The following MALRD1 variants were observed in gnomAD, a reference collection of about 807,000 sequenced individuals.
MALRD1 encodes the protein MAM and LDL receptor class A domain containing 1.
In MALRD1, 247 loss-of-function variants were observed where a neutral mutation model predicts 242.1. The ratio of observed to expected loss-of-function variants is 1.02; its 90% CI spans 0.92 to 1.13. MALRD1 has a LOEUF of 1.13. MALRD1 is among the 50% of genes most tolerant of loss of function. MALRD1 has a pLI of 0.00. For synonymous variants in MALRD1, 995 were observed against 866.6 expected (o/e 1.15, Z -2.60); for missense variants, 2,989 against 2,533.1 (o/e 1.18, Z -3.86).
At chr10:19,470,046 C>A (rs1836418747) in intron 29 of MALRD1, among the ~76,000 whole-genome samples, 1 of 151,922 alleles carries the variant, frequency 6.6e-6, no homozygotes, top group Non-Finnish European at 1.5e-5. Flanking sequence ...TATAGGGCAA[C>A]TCCAGAACTT....
Position 19,454,405 on chromosome 10 carries a change from G to GAGATATATATATAT in MALRD1, c.5029+3916_5029+3917insGATATATATATATA, listed in dbSNP as rs1554775338. 1.2e-3 allele frequency among the ~76,000 whole-genome samples: 96 copies of GAGATATATATATAT among 80,528 alleles called. 1 individual carries two copies. Among genetic ancestry groups the GAGATATATATATAT allele is most frequent in the African/African-American group, 4.4e-3 (79 of 18,152 alleles). The allele number at this position is 80,528 out of a possible 152,430, so 52.8% of individuals were successfully genotyped here. On this transcript the variant is annotated intron_variant, in intron 29 of 39. Transcript: ENST00000454679. ...ATGAGGAAAGGTAGATTATGCATAT[G>GAGATATATATATAT]ATATATATATATATATATATATATA...
chr10:19,383,157 T>G (rs1845907829), intron 26 of MALRD1, among the ~76,000 whole-genome samples: 1 of 152,120 alleles, frequency 6.6e-6, no homozygotes, highest in Admixed American at 6.5e-5. Flanking sequence ...ACCCAGGTAA[T>G]CAACATAGTA....
At chr10:19,616,216 T>G (rs1839150316) in intron 36 of MALRD1, among the ~76,000 whole-genome samples, 1 of 152,056 alleles carries the variant, frequency 6.6e-6, no homozygotes, top group African/African-American at 2.4e-5. Flanking sequence ...ATCAGGTTTT[T>G]AAAAGATATT....
chr10:19,364,387 A>G (rs1845025203), intron 26 of MALRD1, among the ~76,000 whole-genome samples: 1 of 152,128 alleles, frequency 6.6e-6, no homozygotes, highest in African/African-American at 2.4e-5. Flanking sequence ...TATGTTCCTT[A>G]GCACTCACAA....
intron 21 of MALRD1, among the ~76,000 whole-genome samples, chr10:19,305,544 T>C (rs2131969600): frequency 6.6e-6 from 1 of 151,364 alleles, no homozygotes; most frequent in East Asian, 2.0e-4. Context: ...TTTGTTGTTG[T>C]GAGAAAGATC....
intron 34 of MALRD1, among the ~76,000 whole-genome samples, chr10:19,596,611 G>T (rs1385740483): frequency 6.6e-6 from 1 of 151,826 alleles, no homozygotes; most frequent in Non-Finnish European, 1.5e-5. Context: ...CATGACTGTA[G>T]TTCCAGCTCC....
Position 19,498,531 on chromosome 10 carries a change from A to G in MALRD1, c.5205A>G (p.Ser1735=), listed in dbSNP as rs1320544854. ...TTGSCNFETS[S]GNWTTACSLT... The stretch of plus-strand genomic sequence containing the variant: ...GAAGCTGCAATTTTGAAACAAGTTC[A>G]GGAAACTGGACCACAGCCTGCAGTC... Residue 1735 remains serine (S), a synonymous_variant, in exon 31 of 40, where the codon TCA becomes TCG. Transcript: ENST00000454679. 1.3e-6 allele frequency: 2 copies of G among 1,550,428 alleles called. No homozygotes were observed. Among genetic ancestry groups the G allele is most frequent in the Non-Finnish European group, 1.7e-6 (2 of 1,146,858 alleles).
intron 33 of MALRD1, among the ~76,000 whole-genome samples, chr10:19,574,589 A>T (rs369186863): frequency 1.7e-4 from 26 of 152,312 alleles, no homozygotes; most frequent in African/African-American, 6.0e-4. Flanking sequence ...AAAGAGAACC[A>T]CTGGAATGAA....
At chr10:19,131,768 G>A (rs560950786) in intron 8 of MALRD1, among the ~76,000 whole-genome samples, 6 of 152,178 alleles carry the variant, frequency 3.9e-5, no homozygotes, top group African/African-American at 1.4e-4. Flanking sequence ...AGGTAAATCG[G>A]CATTATTGAT....
intron 17 of MALRD1, 121 bp downstream of exon 17, chr10:19,205,386 GTT>G: frequency 8.6e-7 from 1 of 1,168,706 alleles, no homozygotes; most frequent in Non-Finnish European, 1.1e-6. Context: ...GCTGATGAAT[GTT>G]ATGTGTGGTT....
At chr10:19,165,528 G>T (rs763870661) in intron 12 of MALRD1, 109 bp from the exon 13 acceptor site, 6 of 815,496 alleles carry the variant, frequency 7.4e-6, no homozygotes, top group Non-Finnish European at 8.2e-6. Flanking sequence ...CACTTTGGGA[G>T]GCCGAGGCAG....
At position 19,595,218 on chromosome 10, in the gene MALRD1, C is replaced by T. The variant is rs530702134; in HGVS notation, c.5705C>T (p.Pro1902Leu). ...TGGPVPVQPSPCEADQFSCIY... is the reference protein window; with the variant it reads ...TGGPVPVQPSLCEADQFSCIY... ...GGTCCTGTCCCAGTGCAGCCATCAC[C>T]CTGTGAAGCTGATCAGTTTTCTTGT... Residue 1902 changes from proline (P) to leucine (L), a missense_variant, in exon 34 of 40, where the codon CCC becomes CTC. Physicochemically the swap from Pro to Leu is moderately conservative, Grantham distance 98. Transcript: ENST00000454679. The T allele has an allele frequency of 1.9e-6, 3 of 1,549,800 alleles. No homozygotes were observed. In the African/African-American group the frequency reaches 4.1e-5, roughly 21 times the overall value.
intron 8 of MALRD1, among the ~76,000 whole-genome samples, chr10:19,131,633 C>T (rs557372837): frequency 2.0e-5 from 3 of 152,134 alleles, no homozygotes; most frequent in Admixed American, 6.6e-5. Context: ...TAGATGCGAT[C>T]AAAAGTAGTG....
chr10:19,417,797 T>C (rs1833566428), intron 28 of MALRD1, among the ~76,000 whole-genome samples: 1 of 152,146 alleles, frequency 6.6e-6, no homozygotes, highest in African/African-American at 2.4e-5. Context: ...TTCAATACAA[T>C]GTAAAGATCT....
At chr10:19,140,789 C>G (rs563296919) in intron 10 of MALRD1, among the ~76,000 whole-genome samples, 36 of 152,164 alleles carry the variant, frequency 2.4e-4, no homozygotes, top group African/African-American at 8.7e-4. Context: ...AGGGCTGAGG[C>G]CTGGCCGAAA....
intron 33 of MALRD1, among the ~76,000 whole-genome samples, chr10:19,589,898 G>C (rs1837670433): frequency 6.8e-6 from 1 of 146,984 alleles, no homozygotes; most frequent in Non-Finnish European, 1.5e-5. Context: ...GAGCGTGTTT[G>C]GCTCTTCTAC....
Position 19,327,639 on chromosome 10 carries a change from C to G in MALRD1, c.3653C>G (p.Ala1218Gly), listed in dbSNP as rs766126477. ...TGQQGAQWKR[A>G]EVFLGIRSHT... ...CAGCAAGGTGCACAGTGGAAGAGAG[C>G]AGAAGTGTTTTTAGGCATTCGTTCA... Residue 1218 changes from alanine (A) to glycine (G), a missense_variant, in exon 23 of 40, where the codon GCA (alanine) becomes GGA (glycine). Ala to Gly is a moderately conservative substitution (Grantham distance 60, BLOSUM62 0). Coordinates refer to ENST00000454679, the MANE Select transcript of MALRD1 (RefSeq NM_001142308.3). 1.4e-5 allele frequency: 21 copies of G among 1,549,734 alleles called. No individual in the cohort carries two copies. Among genetic ancestry groups the G allele is most frequent in the Non-Finnish European group, 1.8e-5 (21 of 1,146,324 alleles).
intron 1 of MALRD1, among the ~76,000 whole-genome samples, chr10:19,054,040 C>T (rs1834590864): frequency 6.6e-6 from 1 of 151,878 alleles, no homozygotes; most frequent in Non-Finnish European, 1.5e-5. Context: ...ATGAGAATCC[C>T]TCTTTTAGGA....
chr10:19,066,893 C>T, intron 2 of MALRD1, 34 bp downstream of exon 2: 1 of 1,228,786 alleles, frequency 8.1e-7, no homozygotes, highest in Non-Finnish European at 1.0e-6. Flanking sequence ...TCCCCTCTCT[C>T]CCTTCCTCCT....
Sources: gnomAD v4.1 joint callset for allele counts (sites outside exome capture counted in the v4.1 genomes callset) on GRCh38, gnomAD v4.1.1 for gene constraint, MANE v1.5 for transcripts, NCBI Gene and HGNC (gene_info 2026-07-23, HGNC 2026-07-21) for gene names.